The following EML1 variants were observed in gnomAD, a reference collection of about 807,000 sequenced individuals.
EML1 encodes the protein echinoderm microtubule-associated protein-like 1.
In EML1, 27 loss-of-function variants were observed where a neutral mutation model predicts 110.4. The ratio of observed to expected loss-of-function variants is 0.24; its 90% CI spans 0.18 to 0.34. The LOEUF (loss-of-function observed/expected upper bound fraction) is 0.34, where lower values mean the gene tolerates loss of function less well. Ranked by LOEUF, EML1 falls within the 10% of genes least tolerant of loss-of-function variation. EML1 has a pLI of 1.00. For synonymous variants in EML1, 344 were observed against 385.8 expected, an observed-to-expected ratio of 0.89 and a Z score of 1.27; for missense variants, 741 against 1,030.9, an observed-to-expected ratio of 0.72 and a Z score of 3.85.
At chr14:99,894,602 T>C (rs1262439953) in intron 5 of EML1, 27 bp from the exon 6 acceptor site, 1 of 1,604,880 alleles carries the variant, frequency 6.2e-7, no homozygotes, top group East Asian at 2.2e-5. Context: ...CTGAGGTATC[T>C]TACTGAAATC....
At chr14:99,845,293 T>A (rs1048890245) in intron 1 of EML1, among the ~76,000 whole-genome samples, 6 of 152,250 alleles carry the variant, frequency 3.9e-5, no homozygotes, top group African/African-American at 1.4e-4. Context: ...CTGTGCCTGC[T>A]TGTTACCTGA....
intron 1 of EML1, among the ~76,000 whole-genome samples, chr14:99,775,693 G>A (rs1353851860): frequency 6.6e-6 from 1 of 152,288 alleles, no homozygotes; most frequent in East Asian, 1.9e-4. Flanking sequence ...TGGCCCAGCC[G>A]CCATGTGGAA....
At chr14:99,850,242 G>A (rs1371637417) in intron 1 of EML1, 1 of 1,259,928 alleles carries the variant, frequency 7.9e-7, no homozygotes, top group Non-Finnish European at 1.0e-6. Flanking sequence ...GTAAGTGAAG[G>A]GAAGAATGAT....
rs149962042 is a variant in EML1, at chr14:99,850,704, T to C, written c.68-149T>C. The C allele has an allele frequency of 5.3e-4, 405 of 762,792 alleles. No homozygotes were observed. In the African/African-American group the frequency reaches 5.5e-3, roughly 10 times the overall value. 47.3% of individuals were successfully genotyped at this position (762,792 alleles called of 1,614,324 possible). A position where few individuals can be genotyped will look rare whatever the true frequency, so the allele number is the denominator to read the frequency against. On this transcript the variant is annotated intron_variant, in intron 1 of 21. Transcript: ENST00000262233. The stretch of plus-strand genomic sequence containing the variant: ...TAGTTACACACAGCTAAAGATTTCA[T>C]GTGATTTCTGCTTAAGAGCAGTATC...
Position 99,936,815 on chromosome 14 carries a change from A to G in EML1, c.2095+481A>G, listed in dbSNP as rs1002221434. On this transcript the variant is annotated intron_variant, in intron 19 of 21. Coordinates refer to ENST00000262233, the MANE Select transcript of EML1 (RefSeq NM_004434.3). The surrounding 1 kb of genome is among the most constrained non-coding windows in gnomAD (Gnocchi z 5.5). ...CCCTGGCCAGTCTCTGGGCCCAGGCAGTGCTTGGGAACAGCGAGGATGATC... is the reference window on the plus strand; with the variant it reads ...CCCTGGCCAGTCTCTGGGCCCAGGCGGTGCTTGGGAACAGCGAGGATGATC... Among the ~76,000 whole-genome samples the G allele has an allele frequency of 6.6e-6, 1 of 152,174 alleles. No individual in the cohort carries two copies. The highest frequency in any genetic ancestry group is 1.5e-5 in the Non-Finnish European group (1 of 68,014).
chr14:99,865,424 T>C, intron 2 of EML1, 90 bp from the exon 3 acceptor site: 8 of 1,523,100 alleles, frequency 5.3e-6, no homozygotes, highest in Non-Finnish European at 7.2e-6. Flanking sequence ...TGTGGCCTCA[T>C]CTTCCTAACA....
At chr14:99,887,705 G>A (rs2059505273) in intron 4 of EML1, among the ~76,000 whole-genome samples, 1 of 152,312 alleles carries the variant, frequency 6.6e-6, no homozygotes, top group East Asian at 1.9e-4. Context: ...CACCGCCCAA[G>A]CATGTTTCAA....
intron 3 of EML1, among the ~76,000 whole-genome samples, chr14:99,873,627 G>A (rs147529143): frequency 4.9e-4 from 74 of 152,270 alleles, no homozygotes; most frequent in African/African-American, 1.6e-3. Flanking sequence ...CCACTAGCTC[G>A]AGTAGTTGAC....
At chr14:99,909,612 T>C in intron 11 of EML1, 133 bp downstream of exon 11, 1 of 1,191,720 alleles carries the variant, frequency 8.4e-7, no homozygotes, top group Non-Finnish European at 1.2e-6. Flanking sequence ...GTGTCACACC[T>C]GGTAGATAAC....
chr14:99,832,198 G>C (rs1020205422), intron 1 of EML1, among the ~76,000 whole-genome samples: 1 of 152,130 alleles, frequency 6.6e-6, no homozygotes, highest in Admixed American at 6.5e-5. Flanking sequence ...GCTGTTGCTT[G>C]TATCAATGTT....
intron 16 of EML1, among the ~76,000 whole-genome samples, chr14:99,920,187 C>G (rs1229352214): frequency 6.6e-6 from 1 of 152,172 alleles, no homozygotes; most frequent in Admixed American, 6.5e-5. Flanking sequence ...CTCTTCTCCC[C>G]ATCTCACCAC....
rs889624634 is a variant in EML1 at position 99,914,665 on chromosome 14, G to T, written c.1720G>T (p.Gly574Cys). 3.7e-6 allele frequency: 6 copies of T among 1,610,088 alleles called. No homozygotes were observed. The African/African-American group carries it at 8.0e-5, about 22-fold the overall frequency. ...GCATGCCACTCTCTGGGACGCTGTG[G>T]GTCACCGTCCCGTCTGGGACAAAAT... is the stretch of plus-strand genomic sequence containing the variant. The part of the protein sequence containing the change: ...DKHATLWDAV[G>C]HRPVWDKIIE... The change falls in exon 15 of 22, where the codon GGT becomes TGT. Residue 574 changes from glycine to cysteine, a missense_variant. By Grantham distance (159) the Gly-to-Cys change is radical. This residue lies in a region of EML1 where 388 missense variants were observed against 605.6 expected (regional missense o/e 0.64). Coordinates refer to ENST00000262233, the MANE Select transcript of EML1 (RefSeq NM_004434.3).
At chr14:99,859,994 G>T (rs1206915349) in intron 2 of EML1, among the ~76,000 whole-genome samples, 1 of 152,144 alleles carries the variant, frequency 6.6e-6, no homozygotes, top group Non-Finnish European at 1.5e-5. Context: ...GCCCTGCAAG[G>T]TGGGTGGGCA....
chr14:99,801,614 CAA>C (rs59910012), intron 1 of EML1, among the ~76,000 whole-genome samples: 17 of 130,690 alleles, frequency 1.3e-4, no homozygotes, highest in Non-Finnish European at 1.3e-4. Flanking sequence ...GACTCCGTCT[CAA>C]AAAAAAAAAA....
At chr14:99,871,063 T>C (rs2059193149) in intron 3 of EML1, among the ~76,000 whole-genome samples, 2 of 152,132 alleles carry the variant, frequency 1.3e-5, no homozygotes, top group South Asian at 4.1e-4. Flanking sequence ...TTCAAGTGAT[T>C]CTCCTGCCTC....
chr14:99,791,431 C>A (rs927451449), upstream of EML1, among the ~76,000 whole-genome samples: 16 of 152,246 alleles, frequency 1.1e-4, no homozygotes, highest in African/African-American at 3.9e-4. Flanking sequence ...CCTTCTCTCT[C>A]CTTTGTCAAG....
intron 4 of EML1, among the ~76,000 whole-genome samples, chr14:99,882,719 T>A (rs1203568052): frequency 2.0e-5 from 3 of 151,202 alleles, no homozygotes; most frequent in African/African-American, 4.9e-5. Context: ...GTTTACAAAT[T>A]TGTGTTGGGC....
chr14:99,896,550 A>T (rs1026456981), intron 6 of EML1, among the ~76,000 whole-genome samples: 3 of 152,232 alleles, frequency 2.0e-5, no homozygotes, highest in African/African-American at 7.2e-5. Flanking sequence ...ATTTTAGAAG[A>T]TGTAAAGCAA....
At chr14:99,756,764 C>T (rs1165885255) in intron 1 of EML1, among the ~76,000 whole-genome samples, 3 of 152,078 alleles carry the variant, frequency 2.0e-5, no homozygotes, top group Admixed American at 6.6e-5. Flanking sequence ...GATTCCCGTG[C>T]CCCCAGCGTT....
Sources: gnomAD v4.1 joint callset for allele counts (sites outside exome capture counted in the v4.1 genomes callset) on GRCh38, gnomAD v4.1.1 for gene constraint, gnomAD v4.1.1 regional missense constraint, Gnocchi (gnomAD v3.1) non-coding constraint, MANE v1.5 for transcripts, NCBI Gene and HGNC (gene_info 2026-07-23, HGNC 2026-07-21) for gene names.